RASAL2: variants seen among roughly 807,000 people sequenced by gnomAD.
The protein encoded by RASAL2 is ras GTPase-activating protein nGAP.
A neutral mutation model predicts 128.9 loss-of-function variants in RASAL2; 58 were observed. The ratio of observed to expected loss-of-function variants is 0.45; its 90% CI spans 0.36 to 0.56. The LOEUF (loss-of-function observed/expected upper bound fraction) is 0.56, where lower values mean the gene tolerates loss of function less well. Ranked by LOEUF, RASAL2 falls within the 20% of genes least tolerant of loss-of-function variation. The probability of loss-of-function intolerance (pLI) is 0.00; values close to 1 mark genes in which losing one functional copy is unlikely to be tolerated. For synonymous variants in RASAL2, 561 were observed against 580.8 expected (o/e 0.97, Z 0.49); for missense variants, 1,360 against 1,601.6 (o/e 0.85, Z 2.57).
rs561923151 is a variant in RASAL2, at chr1:178,318,924, G to T, written c.457+18806G>T. On this transcript the variant is annotated intron_variant, in intron 3 of 17. Coordinates refer to ENST00000367649, the MANE Select transcript of RASAL2 (RefSeq NM_170692.4). ...TACATTTTGGCATGATTTTGCAGCGGCTGGTACCGGTTGTTCCTTTCCATG... is the reference window on the plus strand; with the variant it reads ...TACATTTTGGCATGATTTTGCAGCGTCTGGTACCGGTTGTTCCTTTCCATG... Among the ~76,000 whole-genome samples the T allele has an allele frequency of 3.9e-5, 6 of 152,116 alleles. No homozygotes were observed. In the East Asian group the frequency reaches 5.8e-4, roughly 15 times the overall value.
intron 1 of RASAL2, among the ~76,000 whole-genome samples, chr1:178,186,383 T>A (rs1204047188): frequency 6.6e-6 from 1 of 152,162 alleles, no homozygotes; most frequent in Non-Finnish European, 1.5e-5. Flanking sequence ...TCCATTGATT[T>A]CTACTCTGTT....
intron 1 of RASAL2, among the ~76,000 whole-genome samples, chr1:178,242,433 CT>C (rs1664544203): frequency 1.7e-4 from 1 of 5,736 alleles, no homozygotes; most frequent in East Asian, 3.7e-3. Context: ...TTCTCTCTCT[CT>C]CTCTCTCTCT....
Position 178,300,016 on chromosome 1 carries a change from C to A in RASAL2, c.355C>A (p.Gln119Lys). 1 of 1,613,932 alleles carries A rather than the reference C, an allele frequency of 6.2e-7. No individual in the cohort carries two copies. The highest frequency in any genetic ancestry group is 8.5e-7 in the Non-Finnish European group (1 of 1,179,920). Residue 119 changes from glutamine to lysine, a missense_variant, in exon 3 of 18, where the codon CAG (glutamine) becomes AAG (lysine). Physicochemically the swap from Gln to Lys is moderately conservative, Grantham distance 53. Around this residue, in one of 3 missense-constraint regions of RASAL2, gnomAD observed 617 missense variants for 714.2 expected, o/e 0.86. Transcript: ENST00000367649. Reference sequence around the variant, plus strand: ...GATACCTGTGGAAGGGGGACAGGAGCAGCAGACAGATTCCACCAAAGGGCG... The same window carrying A: ...GATACCTGTGGAAGGGGGACAGGAGAAGCAGACAGATTCCACCAAAGGGCG... ...KEIPVEGGQE[Q>K]QTDSTKGRCL...
chr1:178,465,875 A>G, intron 15 of RASAL2, 45 bp from the exon 16 acceptor site: 1 of 1,359,024 alleles, frequency 7.4e-7, no homozygotes. Flanking sequence ...GATTTCTAAA[A>G]GCAATGTGAC....
At chr1:178,119,093 C>T (rs897183233) in intron 1 of RASAL2, among the ~76,000 whole-genome samples, 1 of 152,180 alleles carries the variant, frequency 6.6e-6, no homozygotes, top group African/African-American at 2.4e-5. Flanking sequence ...GTCTCGAACT[C>T]CTGACCTCAG....
Position 178,270,532 on chromosome 1 carries a change from A to G in RASAL2, c.203-13032A>G, listed in dbSNP as rs142777485. On this transcript the variant is annotated intron_variant, in intron 1 of 17. Coordinates refer to ENST00000367649, the MANE Select transcript of RASAL2 (RefSeq NM_170692.4). ...ATCTTATTTTTGTTTCCTGGATGCC[A>G]TTTTTTCTTGTATCTGTCTCTTTGA... Among the ~76,000 whole-genome samples, 9 of 146,992 alleles carry G rather than the reference A, an allele frequency of 6.1e-5. No homozygotes were observed. In the East Asian group the frequency reaches 1.6e-3, roughly 26 times the overall value.
chr1:178,171,731 C>T (rs1347065324), intron 1 of RASAL2, among the ~76,000 whole-genome samples: 2 of 151,898 alleles, frequency 1.3e-5, no homozygotes, highest in Non-Finnish European at 2.9e-5. Context: ...AGATTTAAGA[C>T]TAAAGTGTTA....
chr1:178,251,956 G>A (rs1014110516), intron 1 of RASAL2, among the ~76,000 whole-genome samples: 3 of 152,108 alleles, frequency 2.0e-5, no homozygotes, highest in Admixed American at 2.0e-4. Flanking sequence ...GTGTCAGATG[G>A]TCAGATCAGA....
chr1:178,440,879 A>G (rs1219931778), intron 6 of RASAL2, among the ~76,000 whole-genome samples: 1 of 152,152 alleles, frequency 6.6e-6, no homozygotes, highest in African/African-American at 2.4e-5. Context: ...GCACCCTTCT[A>G]TAATATAGTG....
At chr1:178,276,893 A>G (rs1220337958) in intron 1 of RASAL2, among the ~76,000 whole-genome samples, 1 of 151,986 alleles carries the variant, frequency 6.6e-6, no homozygotes, top group Non-Finnish European at 1.5e-5. Flanking sequence ...TCATGCCTGT[A>G]ATCCCAGCAC....
In RASAL2 at chr1:178,433,049, A is replaced by G. The variant is rs533001632; in HGVS notation, c.675-6373A>G. Reference sequence around the variant, plus strand: ...TGACTACAAGTCTGTGATCTCTCTCAAACGTCATTATTCACCAGGCCTCAC... The same window carrying G: ...TGACTACAAGTCTGTGATCTCTCTCGAACGTCATTATTCACCAGGCCTCAC... On this transcript the variant is annotated intron_variant, in intron 5 of 17. Transcript: ENST00000367649. Among the ~76,000 whole-genome samples, 103 of 152,052 alleles carry G rather than the reference A, an allele frequency of 6.8e-4. 1 individual carries two copies. The highest frequency in any genetic ancestry group is 2.2e-4 in the Non-Finnish European group (15 of 67,992).
chr1:178,197,139 C>T (rs1385820407), intron 1 of RASAL2, among the ~76,000 whole-genome samples: 4 of 152,150 alleles, frequency 2.6e-5, no homozygotes, highest in South Asian at 2.1e-4. Flanking sequence ...CATCGTGAAA[C>T]GTTGTCTCTA....
intron 1 of RASAL2, among the ~76,000 whole-genome samples, chr1:178,281,620 A>G (rs1352709942): frequency 6.6e-6 from 1 of 152,164 alleles, no homozygotes; most frequent in Non-Finnish European, 1.5e-5. Context: ...TACAGTACGC[A>G]GTTTAGGTCA....
intron 1 of RASAL2, among the ~76,000 whole-genome samples, chr1:178,182,197 A>G (rs550659328): frequency 1.8e-4 from 27 of 152,268 alleles, no homozygotes; most frequent in Middle Eastern, 3.4e-3. Context: ...TATATATTCT[A>G]TCACTCAAAT....
chr1:178,358,237 TAAAAAAAAAAAAAAA>T (rs71567191), intron 3 of RASAL2, among the ~76,000 whole-genome samples: 14 of 34,774 alleles, frequency 4.0e-4, no homozygotes, highest in Admixed American at 7.8e-4. Flanking sequence ...CTCTGTCTCC[TAAAAAAAAAAAAAAA>T]AAAAAAAAAA....
rs370304737 is a variant in RASAL2 at position 178,125,700 on chromosome 1, C to T, written c.202+31006C>T. Among the ~76,000 whole-genome samples, 4 of 152,136 alleles carry T rather than the reference C, an allele frequency of 2.6e-5. 1 individual carries two copies. In the East Asian group the frequency reaches 7.7e-4, roughly 29 times the overall value. On this transcript the variant is annotated intron_variant, in intron 1 of 17. Transcript: ENST00000367649. ...CTGGGACTGTCAAACAGATGCAGAA[C>T]GAACAGGTGAATAATTTGTTTAGTT...
chr1:178,130,576 G>A (rs895037527), intron 1 of RASAL2, among the ~76,000 whole-genome samples: 2 of 152,086 alleles, frequency 1.3e-5, no homozygotes, highest in Non-Finnish European at 2.9e-5. Flanking sequence ...TTTATCATAC[G>A]GGAAATGTAA....
rs1336422336 is a variant in RASAL2 at position 178,456,564 on chromosome 1, T to A, written c.2212-157T>A. 6 of 770,718 alleles carry A rather than the reference T, an allele frequency of 7.8e-6. No individual in the cohort carries two copies. The African/African-American group carries it at 8.5e-5, about 11-fold the overall frequency. The allele number at this position is 770,718 out of a possible 1,614,324, so 47.7% of individuals were successfully genotyped here. A position where few individuals can be genotyped will look rare whatever the true frequency, so the allele number is the denominator to read the frequency against. The stretch of plus-strand genomic sequence containing the variant: ...TCGACGCCATGGTTCTGCTGCTCCA[T>A]AACAATGCATTATGAACCTGCCACT... On this transcript the variant is annotated intron_variant, in intron 12 of 17. Transcript: ENST00000367649.
chr1:178,356,480 A>T (rs998165255), intron 3 of RASAL2, among the ~76,000 whole-genome samples: 2 of 152,310 alleles, frequency 1.3e-5, no homozygotes, highest in South Asian at 2.1e-4. Flanking sequence ...AATGAGTTTT[A>T]AAAAAGTGAC....
Sources: gnomAD v4.1 joint callset for allele counts (sites outside exome capture counted in the v4.1 genomes callset) on GRCh38, gnomAD v4.1.1 for gene constraint, gnomAD v4.1.1 regional missense constraint, MANE v1.5 for transcripts, NCBI Gene and HGNC (gene_info 2026-07-23, HGNC 2026-07-21) for gene names.